The following RBM28 variants were observed in gnomAD, a reference collection of about 807,000 sequenced individuals.
RBM28 encodes the protein RNA binding motif protein 28, also known as RNA-binding protein 28.
In RBM28, 78 loss-of-function variants were observed where a neutral mutation model predicts 98.3. That is an observed-to-expected ratio of 0.79 (90% CI 0.66 to 0.96). The LOEUF (loss-of-function observed/expected upper bound fraction) is 0.96. RBM28 is among the 40% of genes least tolerant of loss of function. The pLI, the probability that RBM28 is intolerant of heterozygous loss-of-function variation, is 0.00. For missense variants in RBM28, 838 were observed against 913.0 expected, an observed-to-expected ratio of 0.92 and a Z score of 1.06; for synonymous variants, 306 against 330.9, an observed-to-expected ratio of 0.92 and a Z score of 0.82.
chr7:128,323,406 G>C (rs1482496068), intron 13 of RBM28, 121 bp downstream of exon 13: 2 of 1,132,348 alleles, frequency 1.8e-6, no homozygotes, highest in East Asian at 2.3e-5. Context: ...CCCTAACAGG[G>C]CAATAAGTAT....
intron 9 of RBM28, among the ~76,000 whole-genome samples, chr7:128,332,130 A>G (rs1239276168): frequency 6.6e-6 from 1 of 152,190 alleles, no homozygotes; most frequent in Non-Finnish European, 1.5e-5. Context: ...AATCATTTAT[A>G]TGGCAGTTCC....
At chr7:128,337,830 G>C (rs1004342864) in intron 5 of RBM28, among the ~76,000 whole-genome samples, 3 of 152,120 alleles carry the variant, frequency 2.0e-5, no homozygotes, top group Non-Finnish European at 2.9e-5. Context: ...CAAAGTGCTA[G>C]GATTACAGGT....
rs1393311957 is a variant in RBM28 at position 128,302,805 on chromosome 7, C to T, written c.*7992G>A. On this transcript the variant is annotated 3_prime_UTR_variant, in exon 19 of 19. Transcript: ENST00000223073. ...TATTATTTTTTTAGACAGGGTATCA[C>T]GCTGTTGCCCAGGTTGGAGTACAGT... 6.6e-6 allele frequency: 1 copy of T among 152,168 alleles called. No homozygotes were observed. 9.4% of individuals were successfully genotyped at this position (152,168 alleles called of 1,614,324 possible). A position where few individuals can be genotyped will look rare whatever the true frequency, so the allele number is the denominator to read the frequency against.
chr7:128,299,700 G>C lies in RBM28; in HGVS notation c.*11097C>G, dbSNP rs1304802745. 1.3e-5 allele frequency: 2 copies of C among 152,176 alleles called. No individual in the cohort carries two copies. The highest frequency in any genetic ancestry group is 2.9e-5 in the Non-Finnish European group (2 of 68,048). The allele number at this position is 152,176 out of a possible 1,614,324, so 9.4% of individuals were successfully genotyped here. On this transcript the variant is annotated 3_prime_UTR_variant, in exon 19 of 19. Transcript: ENST00000223073. ...CCCTTCAGAGAGAGGCACCCTCATG[G>C]CCTAATTACTTCTTTAAGGACCCCA...
At chr7:128,319,429 C>A (rs1765463565) in intron 14 of RBM28, among the ~76,000 whole-genome samples, 1 of 152,206 alleles carries the variant, frequency 6.6e-6, no homozygotes, top group African/African-American at 2.4e-5. Flanking sequence ...AATTACACAA[C>A]TGTCCCTCCC....
intron 1 of RBM28, among the ~76,000 whole-genome samples, chr7:128,340,190 A>C (rs540741082): frequency 1.1e-4 from 16 of 152,308 alleles, no homozygotes; most frequent in South Asian, 1.0e-3. Flanking sequence ...TGTGTCCCCC[A>C]AATTTCATGT....
intron 15 of RBM28, 51 bp downstream of exon 15, chr7:128,317,906 T>C: frequency 6.2e-7 from 1 of 1,606,020 alleles, no homozygotes; most frequent in South Asian, 1.1e-5. Context: ...GAAGGCTGGT[T>C]TCCTGCAAGT....
At chr7:128,343,593 G>T (rs762315927) in intron 1 of RBM28, 83 bp downstream of exon 1, 1 of 1,003,360 alleles carries the variant, frequency 1.0e-6, no homozygotes, top group Non-Finnish European at 1.5e-6. Context: ...GGAGGGTAAA[G>T]AATGATACGG....
rs915144941 is a variant in RBM28 at position 128,301,853 on chromosome 7, C to G, written c.*8944G>C. The stretch of plus-strand genomic sequence containing the variant: ...CCCACAGGAAGGATGGGCCCAGAAA[C>G]TGACTTTCCATGGCTCCGACGAGGG... On this transcript the variant is annotated 3_prime_UTR_variant, in exon 19 of 19. Coordinates refer to ENST00000223073, the MANE Select transcript of RBM28 (RefSeq NM_018077.3). 5.9e-5 allele frequency: 9 copies of G among 152,384 alleles called. No homozygotes were observed. Among genetic ancestry groups the G allele is most frequent in the African/African-American group, 2.2e-4 (9 of 41,580 alleles). 9.4% of individuals were successfully genotyped at this position (152,384 alleles called of 1,614,324 possible). A position where few individuals can be genotyped will look rare whatever the true frequency, so the allele number is the denominator to read the frequency against.
chr7:128,313,767 T>C (rs1054096805), intron 17 of RBM28, among the ~76,000 whole-genome samples: 1 of 152,160 alleles, frequency 6.6e-6, no homozygotes. Context: ...CTCAGTGCTG[T>C]TCTCGTGACG....
intron 14 of RBM28, 88 bp from the exon 15 acceptor site, chr7:128,318,194 C>G: frequency 3.0e-6 from 4 of 1,353,428 alleles, no homozygotes; most frequent in Non-Finnish European, 3.1e-6. Flanking sequence ...AATAAGAAAT[C>G]AGGCTATTGG....
chr7:128,318,113 G>A lies in RBM28; in HGVS notation c.1564-7C>T, dbSNP rs1584638998. ...GGTCTCGCATCACTCTACACTATGA[G>A]TAGAGCAAGAAAAAAATCAGTAATT... is the stretch of plus-strand genomic sequence containing the variant. On this transcript the variant is annotated splice_polypyrimidine_tract_variant and splice_region_variant and intron_variant, in intron 14 of 18. Transcript: ENST00000223073. 1 of 1,608,026 alleles carries A rather than the reference G, an allele frequency of 6.2e-7. No individual in the cohort carries two copies. Among genetic ancestry groups the A allele is most frequent in the Non-Finnish European group, 8.5e-7 (1 of 1,174,566 alleles).
chr7:128,339,926 T>C, intron 1 of RBM28, 135 bp from the exon 2 acceptor site: 1 of 1,069,406 alleles, frequency 9.4e-7, no homozygotes, highest in South Asian at 1.5e-5. Context: ...TGCTATCAGT[T>C]TGCCAAAAGT....
At chr7:128,340,933 T>C (rs991138468) in intron 1 of RBM28, among the ~76,000 whole-genome samples, 1 of 152,222 alleles carries the variant, frequency 6.6e-6, no homozygotes, top group Non-Finnish European at 1.5e-5. Flanking sequence ...TAACTCCTCC[T>C]CACCAGCCCC....
At chr7:128,325,755 G>A (rs539524646) in intron 11 of RBM28, 63 bp downstream of exon 11, 12 of 1,084,746 alleles carry the variant, frequency 1.1e-5, no homozygotes, top group African/African-American at 4.6e-5. Flanking sequence ...ATAAATACCA[G>A]ATGTTGCCCC....
chr7:128,315,815 C>T (rs2116327204), intron 16 of RBM28, among the ~76,000 whole-genome samples: 1 of 152,216 alleles, frequency 6.6e-6, no homozygotes, highest in Middle Eastern at 3.4e-3. Flanking sequence ...GAATTTGTTG[C>T]CAGTAGACCT....
At chr7:128,342,206 G>C (rs1796739881) in intron 1 of RBM28, among the ~76,000 whole-genome samples, 1 of 152,088 alleles carries the variant, frequency 6.6e-6, no homozygotes, top group Admixed American at 6.6e-5. Flanking sequence ...ACCCACTCAA[G>C]ACCCACTAAT....
chr7:128,313,332 G>A (rs1376994359), intron 17 of RBM28, 58 bp from the exon 18 acceptor site: 22 of 1,509,490 alleles, frequency 1.5e-5, no homozygotes, highest in African/African-American at 2.8e-5. Context: ...ACACCCCTAG[G>A]TTCTCTTTGT....
In RBM28 at chr7:128,309,513, G is replaced by C; in HGVS notation, c.*1284C>G. On this transcript the variant is annotated 3_prime_UTR_variant, in exon 19 of 19. Transcript: ENST00000223073. ...CCAAGAATGGTGGCGTGCACCTGTA[G>C]TCCCAGCTACTTGGGAGGGTGAGGC... 6.6e-6 allele frequency: 1 copy of C among 151,938 alleles called. No homozygotes were observed. Among genetic ancestry groups the C allele is most frequent in the Admixed American group, 6.6e-5 (1 of 15,240 alleles). 9.4% of individuals were successfully genotyped at this position (151,938 alleles called of 1,614,324 possible).
Sources: allele counts gnomAD v4.1 joint callset (sites outside exome capture counted in the v4.1 genomes callset), GRCh38; gene constraint gnomAD v4.1.1; transcripts MANE v1.5; gene names NCBI Gene and HGNC (gene_info 2026-07-23, HGNC 2026-07-21).